TENT5D: variants seen among roughly 807,000 people sequenced by gnomAD.
TENT5D encodes terminal nucleotidyltransferase 5D.
For synonymous variants in TENT5D, 103 were observed against 100.6 expected, an observed-to-expected ratio of 1.02 and a Z score of -0.15; for missense variants, 191 against 287.0, an observed-to-expected ratio of 0.67 and a Z score of 2.42.
At chrX:80,347,650 T>C (rs1930091595) in intron 3 of TENT5D, among the ~76,000 whole-genome samples, 1 of 112,331 alleles carries the variant, frequency 8.9e-6, no homozygotes, top group Non-Finnish European at 1.9e-5. Flanking sequence ...ATAGTTTCTT[T>C]TGCTGAGCAG....
chrX:80,362,323 C>G (rs983968453), intron 3 of TENT5D, among the ~76,000 whole-genome samples: 1 of 110,873 alleles, frequency 9.0e-6, no homozygotes, highest in Non-Finnish European at 1.9e-5. Context: ...GCCACCACAC[C>G]CGGCTAATTT....
chrX:80,443,269 G>A (rs754320744), exon 3 of TENT5D: 8 of 1,211,061 alleles, frequency 6.6e-6, no homozygotes, highest in Admixed American at 4.4e-5. Flanking sequence ...CAGCTTGCTG[G>A]TTCATGGCTT....
At chrX:80,380,422 G>A (rs1202001905) in intron 3 of TENT5D, among the ~76,000 whole-genome samples, 5 of 111,285 alleles carry the variant, frequency 4.5e-5, no homozygotes, top group Non-Finnish European at 9.4e-5. Context: ...GTGCTGAGAA[G>A]AATGTATATT....
intron 2 of TENT5D, among the ~76,000 whole-genome samples, chrX:80,340,907 A>G (rs916219695): frequency 1.8e-5 from 2 of 112,557 alleles, no homozygotes; most frequent in African/African-American, 6.5e-5. Flanking sequence ...TGATGACAAT[A>G]GCAACAGAAA....
At chrX:80,393,020 A>G (rs1242311071) in intron 3 of TENT5D, among the ~76,000 whole-genome samples, 1 of 111,181 alleles carries the variant, frequency 9.0e-6, no homozygotes, top group African/African-American at 3.3e-5. Context: ...AGAAGCTACA[A>G]CAACCTCTGT....
upstream of TENT5D, among the ~76,000 whole-genome samples, chrX:80,418,355 T>C (rs1403326054): frequency 9.0e-6 from 1 of 111,095 alleles, no homozygotes; most frequent in Non-Finnish European, 1.9e-5. Flanking sequence ...TCTCATTATG[T>C]TGCCCACACT....
chrX:80,405,258 G>A (rs979328321), intron 3 of TENT5D, among the ~76,000 whole-genome samples: 2 of 112,604 alleles, frequency 1.8e-5, no homozygotes, highest in Non-Finnish European at 3.8e-5. Flanking sequence ...GAGCCAAGAT[G>A]GCCGAATAGG....
intron 1 of TENT5D, among the ~76,000 whole-genome samples, chrX:80,434,308 T>G (rs1932142664): frequency 9.1e-6 from 1 of 109,922 alleles, no homozygotes; most frequent in Non-Finnish European, 1.9e-5. Context: ...CCTTTAACAC[T>G]CCCATCATCT....
intron 2 of TENT5D, among the ~76,000 whole-genome samples, chrX:80,340,692 A>G (rs1929940621): frequency 9.0e-6 from 1 of 111,326 alleles, no homozygotes; most frequent in South Asian, 3.8e-4. Context: ...TTTTGAGGAG[A>G]CTGTCCTGTG....
chrX:80,354,968 G>A (rs1930255128), intron 3 of TENT5D, among the ~76,000 whole-genome samples: 1 of 111,469 alleles, frequency 9.0e-6, no homozygotes. Context: ...TGCTTTCAGG[G>A]GGCAAGTGCT....
At chrX:80,362,877 A>T (rs1930438038) in intron 3 of TENT5D, among the ~76,000 whole-genome samples, 2 of 111,734 alleles carry the variant, frequency 1.8e-5, no homozygotes, top group South Asian at 7.4e-4. Context: ...TATTATTTTC[A>T]TTGTCAGAAA....
In TENT5D at chrX:80,443,559, C is replaced by T. The variant is rs760854619; in HGVS notation, c.1020C>T (p.Pro340=). 9.1e-6 allele frequency: 11 copies of T among 1,208,844 alleles called. No individual in the cohort carries two copies. The African/African-American group carries it at 1.9e-4, about 21-fold the overall frequency. Residue 340 remains proline (P), a synonymous_variant, in exon 3 of 3, where the codon CCC becomes CCT. Coordinates refer to ENST00000308293, the Ensembl canonical transcript of TENT5D. ...TACTTGGAGAACTAAATATTCTACC[C>T]AATACACAAAAGGTAACTTGCTTTT...
At chrX:80,361,769 T>C (rs1930409541) in intron 3 of TENT5D, among the ~76,000 whole-genome samples, 2 of 112,231 alleles carry the variant, frequency 1.8e-5, no homozygotes, top group Admixed American at 9.5e-5. Context: ...TTCTTGGACA[T>C]GTGTCTACAG....
At chrX:80,397,389 G>A (rs1269414845) in intron 3 of TENT5D, among the ~76,000 whole-genome samples, 42 of 106,867 alleles carry the variant, frequency 3.9e-4, no homozygotes, top group African/African-American at 1.3e-3. Context: ...GGGAAGAGGC[G>A]CTCCTCACTT....
At chrX:80,354,803 TTTG>T (rs200902662) in intron 3 of TENT5D, among the ~76,000 whole-genome samples, 12,202 of 111,366 alleles carry the variant, frequency 0.11, 649 homozygotes, top group South Asian at 0.38. Flanking sequence ...TTTGTTTTAG[TTTG>T]TTGTTGTTTT....
chrX:80,349,044 C>T (rs746468359), intron 3 of TENT5D, among the ~76,000 whole-genome samples: 3 of 111,869 alleles, frequency 2.7e-5, no homozygotes, highest in South Asian at 3.7e-4. Flanking sequence ...TTTTGATGTG[C>T]GGCTGGATTC....
At chrX:80,391,358 G>C (rs770390155) in intron 3 of TENT5D, among the ~76,000 whole-genome samples, 1 of 111,744 alleles carries the variant, frequency 8.9e-6, no homozygotes, top group East Asian at 2.8e-4. Flanking sequence ...TTTGTGAAAA[G>C]ATAAAAGCAA....
chrX:80,420,465 A>G (rs1486607190), upstream of TENT5D: 1 of 111,381 alleles, frequency 9.0e-6, no homozygotes, highest in Non-Finnish European at 1.9e-5. Context: ...TGAGGTGTAG[A>G]GAATGTGTGG....
chrX:80,410,023 G>A (rs1188423273), intron 3 of TENT5D, among the ~76,000 whole-genome samples: 1 of 106,540 alleles, frequency 9.4e-6, no homozygotes, highest in Non-Finnish European at 1.9e-5. Flanking sequence ...ATGGTGCTGG[G>A]AAAACTGGCT....
Sources: allele counts gnomAD v4.1 joint callset (sites outside exome capture counted in the v4.1 genomes callset), GRCh38; gene constraint gnomAD v4.1.1; transcripts MANE v1.5; gene names NCBI Gene and HGNC (gene_info 2026-07-23, HGNC 2026-07-21).